MAN2A1: variants seen among roughly 807,000 people sequenced by gnomAD.
The protein encoded by MAN2A1 is mannosidase alpha class 2A member 1.
Under a neutral mutation model 142.6 loss-of-function variants are expected in MAN2A1, and 76 were observed. The ratio of observed to expected loss-of-function variants is 0.53; its 90% CI spans 0.44 to 0.65. MAN2A1 has a LOEUF of 0.65. Among genes scored for constraint, MAN2A1 ranks in the 30% least tolerant of loss-of-function variants. The pLI, the probability that MAN2A1 is intolerant of heterozygous loss-of-function variation, is 0.00. For missense variants in MAN2A1, 1,311 were observed against 1,365.1 expected, an observed-to-expected ratio of 0.96 and a Z score of 0.62; for synonymous variants, 559 against 473.2, an observed-to-expected ratio of 1.18 and a Z score of -2.35.
intron 4 of MAN2A1, among the ~76,000 whole-genome samples, chr5:109,752,029 T>C (rs1752561643): frequency 6.6e-6 from 1 of 152,200 alleles, no homozygotes; most frequent in African/African-American, 2.4e-5. Flanking sequence ...TACTACAAAG[T>C]GACTTCCTTT....
intron 10 of MAN2A1, 28 bp downstream of exon 10, chr5:109,784,954 T>TA (rs1753559048): frequency 4.0e-6 from 6 of 1,510,172 alleles, no homozygotes; most frequent in Middle Eastern, 1.8e-4. Flanking sequence ...AAATCATCTT[T>TA]AAAAAAATCA....
chr5:109,826,997 A>AC (rs1224110886), intron 16 of MAN2A1, among the ~76,000 whole-genome samples: 1 of 152,204 alleles, frequency 6.6e-6, no homozygotes, highest in Non-Finnish European at 1.5e-5. Flanking sequence ...AAATAACAAA[A>AC]AATATTTATT....
chr5:109,789,103 AT>A, intron 11 of MAN2A1, 55 bp downstream of exon 11: 1 of 864,512 alleles, frequency 1.2e-6, no homozygotes, highest in Non-Finnish European at 1.8e-6. Flanking sequence ...TTGTTCTTGC[AT>A]TAGCAAAGAG....
chr5:109,765,947 T>C (rs1385856813), intron 5 of MAN2A1, among the ~76,000 whole-genome samples: 2 of 152,110 alleles, frequency 1.3e-5, no homozygotes, highest in Admixed American at 1.3e-4. Context: ...ATAAGCTATT[T>C]CTTTCAGGTT....
intron 20 of MAN2A1, among the ~76,000 whole-genome samples, chr5:109,861,533 TG>T (rs1309879260): frequency 6.6e-6 from 1 of 152,238 alleles, no homozygotes; most frequent in Non-Finnish European, 1.5e-5. Context: ...ATTGTCTGTT[TG>T]CCAGGCATTG....
intron 4 of MAN2A1, among the ~76,000 whole-genome samples, chr5:109,743,837 C>G (rs1189136681): frequency 6.6e-6 from 1 of 152,160 alleles, no homozygotes; most frequent in Non-Finnish European, 1.5e-5. Flanking sequence ...GTGCTTCAGT[C>G]TCAAAAGGCA....
intron 18 of MAN2A1, among the ~76,000 whole-genome samples, chr5:109,846,381 T>G (rs1404069093): frequency 1.3e-5 from 2 of 152,218 alleles, no homozygotes; most frequent in Admixed American, 6.5e-5. Context: ...TGGGAAGTTG[T>G]GGTTCAAACT....
intron 4 of MAN2A1, among the ~76,000 whole-genome samples, chr5:109,751,346 C>T (rs1439908898): frequency 1.3e-5 from 2 of 151,966 alleles, no homozygotes; most frequent in Admixed American, 1.3e-4. Context: ...GTTTTTATGA[C>T]TAAATAGTAT....
Position 109,690,184 on chromosome 5 carries a change from C to T in MAN2A1, c.-234C>T. The T allele has an allele frequency of 6.0e-6, 3 of 501,726 alleles. No individual in the cohort carries two copies. The South Asian group carries it at 7.4e-5, about 12-fold the overall frequency. 31.1% of individuals were successfully genotyped at this position (501,726 alleles called of 1,614,324 possible). On this transcript the variant is annotated 5_prime_UTR_variant, in exon 1 of 22. Transcript: ENST00000261483. The stretch of plus-strand genomic sequence containing the variant: ...CTTCCCAGTTGCCGGCGAGTCTCGC[C>T]TCGAGAGGGGCGCCCGACCCCGGGG...
intron 4 of MAN2A1, among the ~76,000 whole-genome samples, chr5:109,732,752 T>G (rs942403464): frequency 4.9e-4 from 74 of 152,264 alleles, no homozygotes; most frequent in African/African-American, 1.6e-3. Context: ...CCCATGCTGT[T>G]TTGGTTACTG....
intron 20 of MAN2A1, among the ~76,000 whole-genome samples, chr5:109,861,321 C>T (rs1016323649): frequency 3.3e-5 from 5 of 152,134 alleles, no homozygotes; most frequent in African/African-American, 4.8e-5. Flanking sequence ...TCATGAACAA[C>T]GGCAGTTGTC....
chr5:109,801,354 G>A (rs1009585108), intron 12 of MAN2A1, among the ~76,000 whole-genome samples: 3 of 152,182 alleles, frequency 2.0e-5, no homozygotes, highest in Non-Finnish European at 4.4e-5. Context: ...ATAAACTGGG[G>A]ACTCAGTAAC....
At chr5:109,800,173 A>G (rs1753981983) in intron 12 of MAN2A1, among the ~76,000 whole-genome samples, 1 of 151,834 alleles carries the variant, frequency 6.6e-6, no homozygotes, top group Non-Finnish European at 1.5e-5. Context: ...ATGCACACAT[A>G]CACCATTTGC....
intron 8 of MAN2A1, among the ~76,000 whole-genome samples, chr5:109,778,745 G>C (rs543429981): frequency 6.6e-6 from 1 of 152,050 alleles, no homozygotes; most frequent in South Asian, 2.1e-4. Context: ...TGTCTTCAAA[G>C]CTTTTTCTTT....
At chr5:109,762,605 G>A (rs1752881545) in intron 5 of MAN2A1, among the ~76,000 whole-genome samples, 1 of 152,170 alleles carries the variant, frequency 6.6e-6, no homozygotes, top group Admixed American at 6.5e-5. Flanking sequence ...CAATGGCAAT[G>A]TGGCAGGGTC....
At chr5:109,694,160 A>G (rs547794480) in intron 1 of MAN2A1, among the ~76,000 whole-genome samples, 7 of 152,346 alleles carry the variant, frequency 4.6e-5, no homozygotes, top group Non-Finnish European at 8.8e-5. Context: ...TTAGTGTAGC[A>G]TATGACCGTA....
intron 12 of MAN2A1, among the ~76,000 whole-genome samples, chr5:109,803,216 TAAAC>T (rs1457272313): frequency 6.6e-6 from 1 of 152,106 alleles, no homozygotes; most frequent in Non-Finnish European, 1.5e-5. Context: ...TGAAAGTAAT[TAAAC>T]AGATAGATTG....
At chr5:109,770,583 G>A (rs777855792) in intron 7 of MAN2A1, 42 bp downstream of exon 7, 5 of 1,569,712 alleles carry the variant, frequency 3.2e-6, no homozygotes, top group Admixed American at 3.4e-5. Flanking sequence ...CTTGAATAAA[G>A]TAGCCACTTA....
At chr5:109,705,411 G>A (rs1489006976) in intron 1 of MAN2A1, among the ~76,000 whole-genome samples, 1 of 152,126 alleles carries the variant, frequency 6.6e-6, no homozygotes, top group East Asian at 1.9e-4. Context: ...AAAGTTAGGT[G>A]TAGAGCCTTG....
Sources: allele counts gnomAD v4.1 joint callset (sites outside exome capture counted in the v4.1 genomes callset), GRCh38; gene constraint gnomAD v4.1.1; transcripts MANE v1.5; gene names NCBI Gene and HGNC (gene_info 2026-07-23, HGNC 2026-07-21).